Variants in NAALADL2 observed in about 807,000 individuals in gnomAD.
NAALADL2 encodes the protein N-acetylated alpha-linked acidic dipeptidase like 2.
NAALADL2 carries 76 observed loss-of-function variants against 87.2 expected under a neutral mutation model. The ratio of observed to expected loss-of-function variants is 0.87; its 90% CI spans 0.72 to 1.05. NAALADL2 has a LOEUF of 1.05. Ranked by LOEUF, NAALADL2 falls within the 50% of genes least tolerant of loss-of-function variation. The pLI is 0.00. For synonymous variants in NAALADL2, 354 were observed against 331.0 expected (o/e 1.07, Z -0.75); for missense variants, 1,089 against 945.8 (o/e 1.15, Z -1.99).
In NAALADL2 at chr3:175,735,828, T is replaced by G. The variant is rs147350629; in HGVS notation, c.1897-1478T>G. ...TCAAATATTAAATGGAATTTGCACC[T>G]TGTTGAATATATATATTTGGATATA... On this transcript the variant is annotated intron_variant, in intron 11 of 13. Transcript: ENST00000454872. Among the ~76,000 whole-genome samples the G allele has an allele frequency of 1.2e-4, 19 of 152,324 alleles. No homozygotes were observed. The East Asian group carries it at 3.5e-3, about 28-fold the overall frequency.
chr3:175,578,434 AAAC>A (rs1046180341), intron 10 of NAALADL2, among the ~76,000 whole-genome samples: 19 of 152,214 alleles, frequency 1.2e-4, no homozygotes, highest in South Asian at 8.3e-4. Context: ...CACTATCTCA[AAAC>A]AACAACAACA....
intron 2 of NAALADL2, among the ~76,000 whole-genome samples, chr3:175,145,788 T>C (rs1730661126): frequency 6.6e-6 from 1 of 152,130 alleles, no homozygotes; most frequent in African/African-American, 2.4e-5. Context: ...CTTATAATAA[T>C]TGAACTATTT....
At chr3:174,619,532 G>A (rs1720800253) in intron 2 of NAALADL2, among the ~76,000 whole-genome samples, 1 of 151,922 alleles carries the variant, frequency 6.6e-6, no homozygotes, top group South Asian at 2.1e-4. Context: ...CTGTAATTAG[G>A]AATGTGATTA....
At chr3:175,605,314 T>C (rs187967533) in intron 10 of NAALADL2, among the ~76,000 whole-genome samples, 1 of 152,266 alleles carries the variant, frequency 6.6e-6, no homozygotes, top group East Asian at 1.9e-4. Context: ...TAATGTTTGC[T>C]CAAATCTACA....
At chr3:175,579,471 TA>T (rs1456213894) in intron 10 of NAALADL2, among the ~76,000 whole-genome samples, 1 of 152,202 alleles carries the variant, frequency 6.6e-6, no homozygotes, top group Non-Finnish European at 1.5e-5. Context: ...TAAAATTGCT[TA>T]AAACACCTTT....
intron 13 of NAALADL2, among the ~76,000 whole-genome samples, chr3:175,795,355 G>T (rs1753327762): frequency 6.6e-6 from 1 of 152,046 alleles, no homozygotes; most frequent in African/African-American, 2.4e-5. Flanking sequence ...AATTTAGCTA[G>T]TCATTTAAGA....
intron 1 of NAALADL2, among the ~76,000 whole-genome samples, chr3:175,073,318 G>A (rs1715994883): frequency 6.6e-6 from 1 of 151,884 alleles, no homozygotes; most frequent in Non-Finnish European, 1.5e-5. Context: ...ATTTTATTTG[G>A]CCCTCTAACA....
chr3:175,375,865 T>C (rs1767064582), intron 5 of NAALADL2, among the ~76,000 whole-genome samples: 1 of 152,114 alleles, frequency 6.6e-6, no homozygotes, highest in African/African-American at 2.4e-5. Flanking sequence ...TTGAGTATTA[T>C]ATTTTAGTGT....
At chr3:174,797,292 G>GTTTTTTTT (rs1468962061) in intron 3 of NAALADL2, among the ~76,000 whole-genome samples, 1 of 109,642 alleles carries the variant, frequency 9.1e-6, no homozygotes, top group African/African-American at 3.8e-5. Flanking sequence ...TTTTTCTTTT[G>GTTTTTTTT]TTTTTCTTTT....
chr3:175,009,707 C>A (rs78679976), intron 1 of NAALADL2, among the ~76,000 whole-genome samples: 3,793 of 151,932 alleles, frequency 0.025, 139 homozygotes, highest in East Asian at 0.18. Context: ...GACATTGGAC[C>A]CTCACTGGAT....
At chr3:174,801,510 A>G (rs1025576815) in intron 3 of NAALADL2, among the ~76,000 whole-genome samples, 20 of 152,316 alleles carry the variant, frequency 1.3e-4, no homozygotes, top group African/African-American at 4.8e-4. Flanking sequence ...CTTTATCAGC[A>G]GTGTGAAAAC....
chr3:174,546,586 G>A (rs1722758422), intron 1 of NAALADL2, among the ~76,000 whole-genome samples: 1 of 152,186 alleles, frequency 6.6e-6, no homozygotes. Flanking sequence ...TGTACCATGT[G>A]CTCTGCTAAT....
chr3:174,730,658 G>A (rs999784317), intron 2 of NAALADL2, among the ~76,000 whole-genome samples: 5 of 151,968 alleles, frequency 3.3e-5, no homozygotes, highest in African/African-American at 4.8e-5. Flanking sequence ...TCAATCAATA[G>A]TTTATTCTTA....
intron 3 of NAALADL2, among the ~76,000 whole-genome samples, chr3:174,824,900 AT>A (rs564486812): frequency 8.9e-4 from 135 of 152,300 alleles, no homozygotes; most frequent in East Asian, 1.9e-3. Flanking sequence ...AATTTTATAC[AT>A]TTTTTGGAGA....
intron 9 of NAALADL2, among the ~76,000 whole-genome samples, chr3:175,513,376 T>G (rs536819192): frequency 3.9e-5 from 6 of 152,314 alleles, no homozygotes; most frequent in Non-Finnish European, 7.4e-5. Flanking sequence ...ACTTTTTGCG[T>G]GCTCAAAAAC....
At chr3:175,238,512 G>A (rs1746299830) in intron 3 of NAALADL2, among the ~76,000 whole-genome samples, 1 of 152,018 alleles carries the variant, frequency 6.6e-6, no homozygotes, top group Non-Finnish European at 1.5e-5. Flanking sequence ...TATTAATAAT[G>A]CAAATCTATT....
intron 5 of NAALADL2, among the ~76,000 whole-genome samples, chr3:175,384,297 C>G (rs1222091343): frequency 6.6e-6 from 1 of 151,888 alleles, no homozygotes; most frequent in Non-Finnish European, 1.5e-5. Context: ...TGGCAAAAGG[C>G]TTTTGCTGGT....
At chr3:175,686,421 T>G (rs962885686) in intron 11 of NAALADL2, among the ~76,000 whole-genome samples, 17 of 152,168 alleles carry the variant, frequency 1.1e-4, no homozygotes, top group Admixed American at 5.2e-4. Flanking sequence ...TTTCAAACAT[T>G]TAAAAGCAAG....
chr3:175,649,431 G>C (rs1357315417), intron 11 of NAALADL2, among the ~76,000 whole-genome samples: 1 of 150,676 alleles, frequency 6.6e-6, no homozygotes, highest in African/African-American at 2.5e-5. Flanking sequence ...AAAAATTGTT[G>C]GCATGTGTTT....
Sources: gnomAD v4.1 joint callset for allele counts (sites outside exome capture counted in the v4.1 genomes callset) on GRCh38, gnomAD v4.1.1 for gene constraint, MANE v1.5 for transcripts, NCBI Gene and HGNC (gene_info 2026-07-23, HGNC 2026-07-21) for gene names.